The following CRYBG2 variants were observed in gnomAD, a reference collection of about 807,000 sequenced individuals.
CRYBG2 encodes beta/gamma crystallin domain-containing protein 2.
In CRYBG2, 106 loss-of-function variants were observed where a neutral mutation model predicts 153.4. The ratio of observed to expected loss-of-function variants is 0.69; its 90% CI spans 0.59 to 0.81. The LOEUF is 0.81. Ranked by LOEUF, CRYBG2 falls within the 30% of genes least tolerant of loss-of-function variation. The pLI, the probability that CRYBG2 is intolerant of heterozygous loss-of-function variation, is 0.00. For missense variants in CRYBG2, 1,996 were observed against 2,112.0 expected (o/e 0.95, Z 1.08); for synonymous variants, 851 against 877.8 (o/e 0.97, Z 0.54).
chr1:26,335,621 A>G (rs1017970747), intron 14 of CRYBG2, among the ~76,000 whole-genome samples: 3 of 152,234 alleles, frequency 2.0e-5, no homozygotes, highest in African/African-American at 7.2e-5. Context: ...ACATGAGGAA[A>G]CCTGGCCCAA....
intron 18 of CRYBG2, among the ~76,000 whole-genome samples, chr1:26,322,586 AAG>A (rs2073872699): frequency 6.6e-6 from 1 of 152,250 alleles, no homozygotes; most frequent in African/African-American, 2.4e-5. Context: ...TTGGCTTCCA[AAG>A]CATAGGCTTT....
chr1:26,338,062 G>T lies in CRYBG2; in HGVS notation c.3472-15C>A. 6.2e-7 allele frequency: 1 copy of T among 1,612,148 alleles called. No homozygotes were observed. The highest frequency in any genetic ancestry group is 8.5e-7 in the Non-Finnish European group (1 of 1,179,170). On this transcript the variant is annotated splice_polypyrimidine_tract_variant and intron_variant, in intron 7 of 19. Transcript: ENST00000308182. ...CTTGGGCAGCCCTGCAGAGGAGACA[G>T]AGCTGAGACACCAGCCCAGAGATGG...
At chr1:26,341,722 G>T (rs920550162) in intron 5 of CRYBG2, among the ~76,000 whole-genome samples, 1 of 152,130 alleles carries the variant, frequency 6.6e-6, no homozygotes, top group African/African-American at 2.4e-5. Flanking sequence ...CCTGACCTCA[G>T]GTGATCCCCC....
chr1:26,343,210 C>T lies in CRYBG2; in HGVS notation c.2961+36G>A. The T allele has an allele frequency of 5.8e-6, 9 of 1,550,630 alleles. No individual in the cohort carries two copies. The highest frequency in any genetic ancestry group is 1.4e-5 in the African/African-American group (1 of 73,126). Reference sequence around the variant, plus strand: ...AGGCCCTGACCCCAGGCCCCTGCATCCTGCTGCCCCCACCCACTTGCCCCC... The same window carrying T: ...AGGCCCTGACCCCAGGCCCCTGCATTCTGCTGCCCCCACCCACTTGCCCCC... On this transcript the variant is annotated intron_variant, in intron 3 of 19. Coordinates refer to ENST00000308182, the MANE Select transcript of CRYBG2 (RefSeq NM_001039775.4). The surrounding 1 kb of genome is among the most constrained non-coding windows in gnomAD (Gnocchi z 4.1).
Position 26,343,953 on chromosome 1 carries a change from G to T in CRYBG2, c.2705C>A (p.Ser902Tyr), listed in dbSNP as rs36024412. Residue 902 changes from serine (S) to tyrosine (Y), a missense_variant, in exon 2 of 20, where the codon TCC becomes TAC. By Grantham distance (144) the Ser-to-Tyr change is moderately radical (BLOSUM62 -2). Transcript: ENST00000308182. The surrounding 1 kb of genome is among the most constrained non-coding windows in gnomAD (Gnocchi z 4.1). ...GAACAGAAGGCTGCCTCCAAGACGGGAAGTGGGCCTGCTGCCTCCCTGCAG... is the reference window on the plus strand; with the variant it reads ...GAACAGAAGGCTGCCTCCAAGACGGTAAGTGGGCCTGCTGCCTCCCTGCAG... ...LELQGGSRPT[S>Y]RLGGSLLFGS... The T allele has an allele frequency of 0.29, 439,567 of 1,538,262 alleles. 64,956 individuals are homozygous for T. The highest frequency in any genetic ancestry group is 0.31 in the Non-Finnish European group (351,182 of 1,146,304).
At chr1:26,331,938 A>G (rs1013561962) in intron 14 of CRYBG2, among the ~76,000 whole-genome samples, 1 of 152,204 alleles carries the variant, frequency 6.6e-6, no homozygotes, top group African/African-American at 2.4e-5. Flanking sequence ...GGGGCTATTC[A>G]TTATGGCACT....
chr1:26,336,381 G>A lies in CRYBG2; in HGVS notation c.4039-11C>T. On this transcript the variant is annotated splice_polypyrimidine_tract_variant and intron_variant, in intron 12 of 19. Coordinates refer to ENST00000308182, the MANE Select transcript of CRYBG2 (RefSeq NM_001039775.4). This position sits in a 1 kb window ranked among gnomAD's most constrained non-coding sequence, Gnocchi z 4.9. ...ATCGTGCTCCCCGACCTGAAGGTAG[G>A]GACCGAATCGAGAATTAGGGAGGGT... is the stretch of plus-strand genomic sequence containing the variant. 1 of 1,612,932 alleles carries A rather than the reference G, an allele frequency of 6.2e-7. No homozygotes were observed. The highest frequency in any genetic ancestry group is 8.5e-7 in the Non-Finnish European group (1 of 1,179,480).
chr1:26,349,531 T>C (rs2074264693), intron 1 of CRYBG2, among the ~76,000 whole-genome samples: 1 of 152,118 alleles, frequency 6.6e-6, no homozygotes, highest in South Asian at 2.1e-4. Context: ...GACTCTTCCT[T>C]GATCTCTCTG....
chr1:26,336,993 G>A lies in CRYBG2; in HGVS notation c.3772-13C>T, dbSNP rs1354916982. The A allele has an allele frequency of 6.2e-7, 1 of 1,613,230 alleles. No homozygotes were observed. The highest frequency in any genetic ancestry group is 8.5e-7 in the Non-Finnish European group (1 of 1,179,798). On this transcript the variant is annotated splice_polypyrimidine_tract_variant and intron_variant, in intron 10 of 19. Transcript: ENST00000308182. The surrounding 1 kb of genome is among the most constrained non-coding windows in gnomAD (Gnocchi z 4.9). The stretch of plus-strand genomic sequence containing the variant: ...GGTCCCCGAAGTCCTGGGTCCCCAG[G>A]GACAGTCAGGTCTCTCCCGCCCACA...
rs1292795239 is a variant in CRYBG2, at chr1:26,346,976, C to T, written c.-55-264G>A. ...TCAAAGGTGAAGCTGAGGCCTGAGCCCAGAAGGAGAGAAAAGGAAGAAGGC... is the reference window on the plus strand; with the variant it reads ...TCAAAGGTGAAGCTGAGGCCTGAGCTCAGAAGGAGAGAAAAGGAAGAAGGC... On this transcript the variant is annotated intron_variant, in intron 1 of 19. Transcript: ENST00000308182. The surrounding 1 kb of genome is among the most constrained non-coding windows in gnomAD (Gnocchi z 4.9). Among the ~76,000 whole-genome samples, 1 of 152,078 alleles carries T rather than the reference C, an allele frequency of 6.6e-6. No homozygotes were observed. Among genetic ancestry groups the T allele is most frequent in the Non-Finnish European group, 1.5e-5 (1 of 68,024 alleles).
In CRYBG2 at chr1:26,336,252, G is replaced by C; in HGVS notation, c.4072-45C>G. 6.3e-7 allele frequency: 1 copy of C among 1,588,306 alleles called. No homozygotes were observed. The highest frequency in any genetic ancestry group is 8.6e-7 in the Non-Finnish European group (1 of 1,165,714). ...ATGAGGGGAAGGAGGACGATGGAGTGGGGCCGAGAACAGCGGGGAGGGGAA... is the reference window on the plus strand; with the variant it reads ...ATGAGGGGAAGGAGGACGATGGAGTCGGGCCGAGAACAGCGGGGAGGGGAA... On this transcript the variant is annotated intron_variant, in intron 13 of 19. Transcript: ENST00000308182. The surrounding 1 kb of genome is among the most constrained non-coding windows in gnomAD (Gnocchi z 4.9).
chr1:26,345,477 T>C lies in CRYBG2; in HGVS notation c.1181A>G (p.Asp394Gly), dbSNP rs1557718507. Residue 394 changes from aspartate (D) to glycine (G), a missense_variant, in exon 2 of 20, where the codon GAC becomes GGC. Coordinates refer to ENST00000308182, the MANE Select transcript of CRYBG2 (RefSeq NM_001039775.4). ...GGCAGCAGGGGGGTCCACGGGCCCG[T>C]CCTTTTTTTTAGGGGGCAGAACAAG... ...TPLVLPPKKK[D>G]GPVDPPAATV... The C allele has an allele frequency of 4.4e-6, 7 of 1,591,498 alleles. No individual in the cohort carries two copies. The South Asian group carries it at 5.7e-5, about 13-fold the overall frequency.
In CRYBG2 at chr1:26,345,949, C is replaced by T. The variant is rs1342909529; in HGVS notation, c.709G>A (p.Val237Met). The T allele has an allele frequency of 1.9e-6, 3 of 1,594,720 alleles. No individual in the cohort carries two copies. The highest frequency in any genetic ancestry group is 2.2e-5 in the South Asian group (2 of 90,946). The change falls in exon 2 of 20, where the codon GTG becomes ATG. Residue 237 changes from valine (V) to methionine (M), a missense_variant. Val to Met is a conservative substitution (Grantham distance 21, BLOSUM62 1). Coordinates refer to ENST00000308182, the MANE Select transcript of CRYBG2 (RefSeq NM_001039775.4). Reference protein sequence around the residue: ...GSPSRSQAVKVLSNLVPAGHS... With the variant: ...GSPSRSQAVKMLSNLVPAGHS... The stretch of plus-strand genomic sequence containing the variant: ...CCAGCAGGCACGAGGTTACTTAGCA[C>T]TTTCACGGCCTGGCTGCGGCTGGGC...
Position 26,328,206 on chromosome 1 carries a change from C to T in CRYBG2, c.4578+3G>A, listed in dbSNP as rs1224712331. ...CACGCTCAGCTCCAGCCACGCTACCCACCTGCTTGATGGGGTAGAGGGAGC... is the reference window on the plus strand; with the variant it reads ...CACGCTCAGCTCCAGCCACGCTACCTACCTGCTTGATGGGGTAGAGGGAGC... On this transcript the variant is annotated splice_donor_region_variant and intron_variant, in intron 17 of 19. Coordinates refer to ENST00000308182, the MANE Select transcript of CRYBG2 (RefSeq NM_001039775.4). The T allele has an allele frequency of 2.6e-6, 4 of 1,562,956 alleles. No homozygotes were observed. In the South Asian group the frequency reaches 3.5e-5, roughly 14 times the overall value.
At chr1:26,338,525 G>A (rs376695042) in intron 6 of CRYBG2, 48 bp from the exon 7 acceptor site, 53 of 1,524,348 alleles carry the variant, frequency 3.5e-5, no homozygotes, top group Non-Finnish European at 4.5e-5. Context: ...AGACTTCAAG[G>A]GACACAGATT....
Position 26,345,972 on chromosome 1 carries a change from G to T in CRYBG2, c.686C>A (p.Pro229His), listed in dbSNP as rs2074212281. The T allele has an allele frequency of 1.3e-6, 2 of 1,593,646 alleles. No homozygotes were observed. Among genetic ancestry groups the T allele is most frequent in the African/African-American group, 1.3e-5 (1 of 74,962 alleles). Residue 229 changes from proline (P) to histidine (H), a missense_variant, in exon 2 of 20, where the codon CCC becomes CAC. By Grantham distance (77) the Pro-to-His change is moderately conservative. Transcript: ENST00000308182. ...CACTTTCACGGCCTGGCTGCGGCTG[G>T]GCGAGCCTGGTGGGGAGCCCACCAC... Reference protein sequence around the residue: ...PVVVGSPPGSPSRSQAVKVLS... With the variant: ...PVVVGSPPGSHSRSQAVKVLS...
At position 26,328,534 on chromosome 1, in the gene CRYBG2, T is replaced by C. The variant is rs17163875; in HGVS notation, c.4454+200A>G. On this transcript the variant is annotated intron_variant, in intron 16 of 19. Transcript: ENST00000308182. ...GGGTTTTCAGGGTAAAGAAGGATCC[T>C]GAGAAGCCCACCAAGCTGGGGTCTA... is the stretch of plus-strand genomic sequence containing the variant. The C allele has an allele frequency of 1.0e-3, 1,129 of 1,113,600 alleles. 9 individuals carry two copies. In the African/African-American group the frequency reaches 0.015, roughly 15 times the overall value. The allele number at this position is 1,113,600 out of a possible 1,614,324, so 69.0% of individuals were successfully genotyped here.
chr1:26,338,137 C>G (rs971243271), intron 7 of CRYBG2, 90 bp from the exon 8 acceptor site: 156 of 1,523,502 alleles, frequency 1.0e-4, no homozygotes, highest in Non-Finnish European at 1.3e-4. Flanking sequence ...CCTGAGAACC[C>G]CAACCCCATG....
In CRYBG2 at chr1:26,344,022, T is replaced by C. The variant is rs1172961218; in HGVS notation, c.2636A>G (p.His879Arg). ...SCSPLEMMKK[H>R]VAGTKGPHSE... ...GTGGGGGCCCTTGGTTCCTGCTACA[T>C]GCTTCTTCATCATCTCCAGAGGAGA... is the stretch of plus-strand genomic sequence containing the variant. The change falls in exon 2 of 20, where the codon CAT (histidine) becomes CGT (arginine). Residue 879 changes from histidine to arginine, a missense_variant. Transcript: ENST00000308182. 6.5e-7 allele frequency: 1 copy of C among 1,536,176 alleles called. No individual in the cohort carries two copies. Among genetic ancestry groups the C allele is most frequent in the South Asian group, 1.2e-5 (1 of 84,054 alleles).
Sources: allele counts gnomAD v4.1 joint callset (sites outside exome capture counted in the v4.1 genomes callset), GRCh38; gene constraint gnomAD v4.1.1; non-coding constraint Gnocchi (gnomAD v3.1); transcripts MANE v1.5; gene names NCBI Gene and HGNC (gene_info 2026-07-23, HGNC 2026-07-21).